The following CTNNA3 variants were observed in gnomAD, a reference collection of about 807,000 sequenced individuals.
The protein encoded by CTNNA3 is catenin alpha 3.
Under a neutral mutation model 95.7 loss-of-function variants are expected in CTNNA3, and 76 were observed. The observed-to-expected ratio is 0.79, with a 90% CI of 0.66 to 0.96. The LOEUF is 0.96. Ranked by LOEUF, CTNNA3 falls within the 40% of genes least tolerant of loss-of-function variation. The pLI is 0.00. For missense variants in CTNNA3, 1,191 were observed against 1,089.8 expected, an observed-to-expected ratio of 1.09 and a Z score of -1.31; for synonymous variants, 431 against 374.4, an observed-to-expected ratio of 1.15 and a Z score of -1.74.
chr10:66,749,009 C>CAA (rs61130950), intron 9 of CTNNA3, among the ~76,000 whole-genome samples: 4,825 of 138,246 alleles, frequency 0.035, 190 homozygotes, highest in East Asian at 0.23. Flanking sequence ...CCATCTCTTC[C>CAA]AAAAAAAAAA....
chr10:66,916,313 A>C (rs950495298), intron 7 of CTNNA3, among the ~76,000 whole-genome samples: 5 of 152,222 alleles, frequency 3.3e-5, no homozygotes, highest in Non-Finnish European at 7.3e-5. Context: ...AGGGAGAGTA[A>C]ATGATACTGA....
chr10:67,387,205 C>T (rs551884697), intron 5 of CTNNA3, among the ~76,000 whole-genome samples: 51 of 152,186 alleles, frequency 3.4e-4, no homozygotes, highest in African/African-American at 1.2e-3. Flanking sequence ...GTGCGCGCAC[C>T]GTGCACCAGC....
rs369722416 is a variant in CTNNA3 at position 67,101,388 on chromosome 10, G to T, written c.1047+78929C>A. Among the ~76,000 whole-genome samples the T allele has an allele frequency of 7.3e-5, 11 of 151,168 alleles. No homozygotes were observed. In the East Asian group the frequency reaches 9.7e-4, roughly 13 times the overall value. On this transcript the variant is annotated intron_variant, in intron 7 of 17. Transcript: ENST00000433211. ...AAAATTCTTTTTCTTTTTTTCTTTT[G>T]GCAAGATTTCTTCTTAAACCATGAA...
intron 12 of CTNNA3, among the ~76,000 whole-genome samples, chr10:66,375,373 G>T (rs751864781): frequency 6.6e-6 from 1 of 152,036 alleles, no homozygotes; most frequent in Non-Finnish European, 1.5e-5. Context: ...CATGGCCAAG[G>T]CTCAGTGAAA....
intron 7 of CTNNA3, among the ~76,000 whole-genome samples, chr10:67,061,077 T>C (rs1855731163): frequency 6.6e-6 from 1 of 152,032 alleles, no homozygotes; most frequent in Non-Finnish European, 1.5e-5. Context: ...ATTAATTCTA[T>C]TCAATCAATA....
chr10:67,727,066 AAT>A (rs1247484918), intron 1 of CTNNA3, among the ~76,000 whole-genome samples: 6 of 113,298 alleles, frequency 5.3e-5, no homozygotes, highest in Admixed American at 1.1e-4. Flanking sequence ...AATTATATAT[AAT>A]ATATGATACA....
chr10:67,759,148 A>G (rs1841449543), intron 1 of CTNNA3, among the ~76,000 whole-genome samples: 1 of 152,236 alleles, frequency 6.6e-6, no homozygotes. Context: ...CAATGCAGCA[A>G]TTCCTTGATA....
intron 9 of CTNNA3, among the ~76,000 whole-genome samples, chr10:66,683,940 C>CA (rs1438483039): frequency 1.3e-5 from 2 of 152,186 alleles, no homozygotes; most frequent in East Asian, 3.9e-4. Context: ...CAATGCTTTG[C>CA]GATTGAACCT....
intron 12 of CTNNA3, among the ~76,000 whole-genome samples, chr10:66,341,863 C>A (rs1012505619): frequency 6.6e-6 from 1 of 150,996 alleles, no homozygotes; most frequent in African/African-American, 2.4e-5. Flanking sequence ...AGAAGGGGAA[C>A]AATATATGGA....
intron 5 of CTNNA3, among the ~76,000 whole-genome samples, chr10:67,328,144 C>A (rs546829885): frequency 6.6e-6 from 1 of 152,204 alleles, no homozygotes; most frequent in African/African-American, 2.4e-5. Flanking sequence ...CACATGCCAG[C>A]AAAGCAATGT....
At chr10:66,159,530 T>G (rs1414894829) in intron 13 of CTNNA3, among the ~76,000 whole-genome samples, 4 of 152,144 alleles carry the variant, frequency 2.6e-5, no homozygotes, top group Non-Finnish European at 4.4e-5. Context: ...TAGATTATCT[T>G]TTTGATATGT....
At chr10:66,436,646 T>A (rs2093340496) in intron 11 of CTNNA3, among the ~76,000 whole-genome samples, 2 of 151,954 alleles carry the variant, frequency 1.3e-5, no homozygotes. Flanking sequence ...CTTTATCCAA[T>A]TTGTCAGTCT....
At chr10:66,932,210 C>A (rs1333328559) in intron 7 of CTNNA3, among the ~76,000 whole-genome samples, 2 of 152,308 alleles carry the variant, frequency 1.3e-5, no homozygotes, top group East Asian at 1.9e-4. Context: ...AAATTATGCT[C>A]TCCTTCTGGG....
At chr10:66,477,075 A>T (rs910242481) in intron 11 of CTNNA3, among the ~76,000 whole-genome samples, 2 of 152,088 alleles carry the variant, frequency 1.3e-5, no homozygotes, top group African/African-American at 4.8e-5. Flanking sequence ...TGATTTTATC[A>T]TTCATCTTTA....
At chr10:67,555,880 T>C (rs1841223724) in intron 3 of CTNNA3, among the ~76,000 whole-genome samples, 2 of 152,238 alleles carry the variant, frequency 1.3e-5, no homozygotes, top group Admixed American at 6.5e-5. Context: ...AGTATGATAT[T>C]GGCTGTGGGT....
chr10:66,782,373 C>A (rs1840570763), intron 7 of CTNNA3, among the ~76,000 whole-genome samples: 1 of 152,076 alleles, frequency 6.6e-6, no homozygotes, highest in Non-Finnish European at 1.5e-5. Context: ...CAAACACCAG[C>A]CTTGTCCTGG....
chr10:66,978,544 A>ATATATAT (rs1323272590), intron 7 of CTNNA3, among the ~76,000 whole-genome samples: 2 of 75,582 alleles, frequency 2.6e-5, no homozygotes, highest in South Asian at 5.2e-4. Context: ...AAAAAAAAAA[A>ATATATAT]AAAAAAAAAT....
chr10:67,714,371 A>C (rs1282213456), intron 1 of CTNNA3, among the ~76,000 whole-genome samples: 1 of 152,250 alleles, frequency 6.6e-6, no homozygotes, highest in Admixed American at 6.5e-5. Context: ...CATGGAGTCA[A>C]AGGAGATCAT....
intron 7 of CTNNA3, among the ~76,000 whole-genome samples, chr10:67,002,230 TA>T (rs1851732363): frequency 6.6e-6 from 1 of 152,168 alleles, no homozygotes; most frequent in Middle Eastern, 3.2e-3. Flanking sequence ...AAACAATAAG[TA>T]ATTATTTCTT....
Sources: allele counts gnomAD v4.1 joint callset (sites outside exome capture counted in the v4.1 genomes callset), GRCh38; gene constraint gnomAD v4.1.1; transcripts MANE v1.5; gene names NCBI Gene and HGNC (gene_info 2026-07-23, HGNC 2026-07-21).